MRPL3: variants seen among roughly 807,000 people sequenced by gnomAD.
MRPL3 encodes the protein large ribosomal subunit protein uL3m.
In MRPL3, 43 loss-of-function variants were observed where a neutral mutation model predicts 44.3. The ratio of observed to expected loss-of-function variants is 0.97; its 90% CI spans 0.76 to 1.25. The LOEUF is 1.25. MRPL3 is among the 50% of genes most tolerant of loss of function. The probability of loss-of-function intolerance (pLI) is 0.00; values close to 1 mark genes in which losing one functional copy is unlikely to be tolerated. For synonymous variants in MRPL3, 171 were observed against 152.3 expected (o/e 1.12, Z -0.91); for missense variants, 406 against 427.6 (o/e 0.95, Z 0.45).
At chr3:131,468,621 G>A (rs1339366085) in intron 8 of MRPL3, among the ~76,000 whole-genome samples, 2 of 152,014 alleles carry the variant, frequency 1.3e-5, no homozygotes, top group East Asian at 1.9e-4. Flanking sequence ...ACATAAATGG[G>A]AGAGAATGAT....
chr3:131,477,725 T>C (rs1264320305), intron 6 of MRPL3, among the ~76,000 whole-genome samples: 1 of 152,204 alleles, frequency 6.6e-6, no homozygotes, highest in Non-Finnish European at 1.5e-5. Context: ...CTCTAAAAGA[T>C]AAGAATACTT....
chr3:131,463,932 G>T (rs1037610581), intron 9 of MRPL3, among the ~76,000 whole-genome samples: 9 of 152,054 alleles, frequency 5.9e-5, no homozygotes, highest in Non-Finnish European at 1.3e-4. Context: ...TGAATAATTT[G>T]GTTGAAATAA....
At chr3:131,471,071 A>G in intron 7 of MRPL3, 100 bp downstream of exon 7, 1 of 805,132 alleles carries the variant, frequency 1.2e-6, no homozygotes, top group Non-Finnish European at 2.1e-6. Context: ...CCCTTGTGTC[A>G]GACTAAAATT....
intron 6 of MRPL3, among the ~76,000 whole-genome samples, chr3:131,480,021 TAAAC>T (rs1027366772): frequency 2.8e-4 from 42 of 152,276 alleles, no homozygotes; most frequent in African/African-American, 9.1e-4. Flanking sequence ...AAAATTCTAA[TAAAC>T]AAAAAAGAAT....
At chr3:131,465,916 A>G (rs1372194555) in intron 9 of MRPL3, among the ~76,000 whole-genome samples, 2 of 93,666 alleles carry the variant, frequency 2.1e-5, no homozygotes, top group Non-Finnish European at 5.1e-5. Flanking sequence ...TTGTTTTTTT[A>G]AGCAAGGTCC....
chr3:131,475,105 A>G (rs1933826299), intron 6 of MRPL3, among the ~76,000 whole-genome samples: 1 of 152,140 alleles, frequency 6.6e-6, no homozygotes, highest in African/African-American at 2.4e-5. Context: ...TACTCTTAAA[A>G]TGAAGATTTT....
rs547601607 is a variant in MRPL3 at position 131,482,298 on chromosome 3, C to T, written c.629+5382G>A. Among the ~76,000 whole-genome samples the T allele has an allele frequency of 7.9e-5, 12 of 152,054 alleles. No individual in the cohort carries two copies. The South Asian group carries it at 1.3e-3, about 16-fold the overall frequency. Reference sequence around the variant, plus strand: ...TTGAGAGGCTGAGGCAGGCGGATCACGAGGTCAGGAGATCGAGACCATCCT... The same window carrying T: ...TTGAGAGGCTGAGGCAGGCGGATCATGAGGTCAGGAGATCGAGACCATCCT... On this transcript the variant is annotated intron_variant, in intron 6 of 9. Transcript: ENST00000264995.
intron 9 of MRPL3, among the ~76,000 whole-genome samples, chr3:131,464,705 C>T (rs1056790106): frequency 6.6e-6 from 1 of 152,186 alleles, no homozygotes; most frequent in East Asian, 1.9e-4. Flanking sequence ...TTCATTAATA[C>T]ATTTAGTGAA....
intron 6 of MRPL3, among the ~76,000 whole-genome samples, chr3:131,477,959 CT>C (rs1438783708): frequency 6.6e-6 from 1 of 152,138 alleles, no homozygotes; most frequent in Non-Finnish European, 1.5e-5. Context: ...GCCTCTGATT[CT>C]CTTCTCACTA....
intron 4 of MRPL3, among the ~76,000 whole-genome samples, chr3:131,493,595 G>T (rs1481541901): frequency 6.6e-6 from 1 of 152,182 alleles, no homozygotes; most frequent in Non-Finnish European, 1.5e-5. Context: ...AGAAGATAAA[G>T]GACAGGCAAC....
At chr3:131,489,850 T>C (rs1934211545) in intron 5 of MRPL3, 131 bp downstream of exon 5, 1 of 521,656 alleles carries the variant, frequency 1.9e-6, no homozygotes, top group African/African-American at 1.9e-5. Flanking sequence ...CAAAATGAGA[T>C]ACAGTTTTGT....
chr3:131,501,829 T>C (rs750882093), intron 1 of MRPL3, 114 bp from the exon 2 acceptor site: 14 of 1,585,302 alleles, frequency 8.8e-6, no homozygotes, highest in African/African-American at 8.1e-5. Flanking sequence ...GGGAAAGGGC[T>C]TGGATTCTGT....
At chr3:131,502,025 C>T in intron 1 of MRPL3, 1 of 918,190 alleles carries the variant, frequency 1.1e-6, no homozygotes, top group Non-Finnish European at 1.6e-6. Context: ...TGGAAGTGTA[C>T]CTTAATAGTT....
At chr3:131,483,988 T>C (rs377009645) in intron 6 of MRPL3, among the ~76,000 whole-genome samples, 1 of 152,156 alleles carries the variant, frequency 6.6e-6, no homozygotes, top group African/African-American at 2.4e-5. Flanking sequence ...TCTTTTCTAA[T>C]GAAAAGATAA....
chr3:131,488,792 G>A (rs572422544), intron 5 of MRPL3: 5 of 152,080 alleles, frequency 3.3e-5, no homozygotes, highest in African/African-American at 9.6e-5. Context: ...TATATAGGCA[G>A]AGAAAAACCT....
chr3:131,470,305 A>G (rs1419287743), intron 7 of MRPL3, among the ~76,000 whole-genome samples: 2 of 152,190 alleles, frequency 1.3e-5, no homozygotes, highest in Non-Finnish European at 2.9e-5. Flanking sequence ...TAAATCTAAC[A>G]GTCTCTGATT....
intron 5 of MRPL3, among the ~76,000 whole-genome samples, chr3:131,488,260 A>C (rs9824662): frequency 0.38 from 57,556 of 151,894 alleles, 12,579 homozygotes; most frequent in Non-Finnish European, 0.5. Context: ...GTACCAATAA[A>C]CTATAGTTCT....
At chr3:131,486,463 A>G (rs1298102842) in intron 6 of MRPL3, among the ~76,000 whole-genome samples, 1 of 137,992 alleles carries the variant, frequency 7.2e-6, no homozygotes, top group African/African-American at 2.7e-5. Flanking sequence ...TTTTTTTATT[A>G]TACTCTAAGT....
chr3:131,501,272 C>G (rs1421188855), intron 2 of MRPL3, among the ~76,000 whole-genome samples: 2 of 152,312 alleles, frequency 1.3e-5, no homozygotes, highest in South Asian at 2.1e-4. Context: ...CTGAAGTAAA[C>G]AAGAGAATCT....
Sources: allele counts gnomAD v4.1 joint callset (sites outside exome capture counted in the v4.1 genomes callset), GRCh38; gene constraint gnomAD v4.1.1; transcripts MANE v1.5; gene names NCBI Gene and HGNC (gene_info 2026-07-23, HGNC 2026-07-21).